HINT1: variants seen among roughly 807,000 people sequenced by gnomAD.
HINT1 encodes the protein adenosine 5'-monophosphoramidase HINT1.
In HINT1, 12 loss-of-function variants were observed where a neutral mutation model predicts 11.2. That is an observed-to-expected ratio of 1.07 (90% CI 0.69 to 1.74). The LOEUF is 1.74. Among genes scored for constraint, HINT1 ranks in the 40% most tolerant of loss-of-function variants. The pLI, the probability that HINT1 is intolerant of heterozygous loss-of-function variation, is 0.00. For missense variants in HINT1, 150 were observed against 161.8 expected, an observed-to-expected ratio of 0.93 and a Z score of 0.40; for synonymous variants, 42 against 52.6, an observed-to-expected ratio of 0.80 and a Z score of 0.87.
In HINT1 at chr5:131,165,223, G is replaced by C. The variant is rs199984533; in HGVS notation, c.-18C>G. 5.6e-5 allele frequency: 90 copies of C among 1,601,554 alleles called. No homozygotes were observed. The highest frequency in any genetic ancestry group is 2.5e-4 in the Admixed American group (15 of 59,976). On this transcript the variant is annotated 5_prime_UTR_variant, in exon 1 of 3. Coordinates refer to ENST00000304043, the MANE Select transcript of HINT1 (RefSeq NM_005340.7). ...TCTGCCATCTCGGCCTCTCTCCCGC[G>C]CGGCGGCCAGAGGAGAGGCTCGGAA...
rs746883301 is a variant in HINT1 at position 131,165,245 on chromosome 5, G to C, written c.-40C>G. 3.8e-6 allele frequency: 6 copies of C among 1,590,870 alleles called. No homozygotes were observed. Among genetic ancestry groups the C allele is most frequent in the Admixed American group, 1.7e-5 (1 of 59,428 alleles). ...CGCGCGGCGGCCAGAGGAGAGGCTC[G>C]GAAGAAGGGAGGAACCCGCAGAGCG... On this transcript the variant is annotated 5_prime_UTR_variant, in exon 1 of 3. Transcript: ENST00000304043.
chr5:131,163,483 T>A (rs868504234), intron 1 of HINT1, among the ~76,000 whole-genome samples: 4 of 151,960 alleles, frequency 2.6e-5, no homozygotes, highest in South Asian at 2.1e-4. Context: ...TCCCAGCACA[T>A]ACATGATTTC....
intron 1 of HINT1, 95 bp from the exon 2 acceptor site, chr5:131,162,771 T>A (rs370010649): frequency 1.4e-6 from 1 of 732,652 alleles, no homozygotes. Context: ...AGTAACTACA[T>A]GGAGGGCACT....
chr5:131,160,557 C>T, intron 2 of HINT1: 1 of 280,408 alleles, frequency 3.6e-6, no homozygotes, highest in Non-Finnish European at 5.5e-6. Context: ...GGAAAGGGAA[C>T]TCCTTTAATT....
chr5:131,162,555 G>GT lies in HINT1; in HGVS notation c.216+16dup, dbSNP rs1755282525. On this transcript the variant is annotated intron_variant, in intron 2 of 2. Coordinates refer to ENST00000304043, the MANE Select transcript of HINT1 (RefSeq NM_005340.7). ...TTTAAAAAGCAAGAAAATAAATCAT[G>GT]TTAGAAATGTACTTACACTTTCATC... 6.2e-7 allele frequency: 1 copy of GT among 1,603,884 alleles called. No individual in the cohort carries two copies. Among genetic ancestry groups the GT allele is most frequent in the Non-Finnish European group, 8.5e-7 (1 of 1,170,988 alleles).
Position 131,159,350 on chromosome 5 carries a change from T to G in HINT1, c.*97A>C, listed in dbSNP as rs1485545025. 5 of 1,049,154 alleles carry G rather than the reference T, an allele frequency of 4.8e-6. No homozygotes were observed. Among genetic ancestry groups the G allele is most frequent in the Non-Finnish European group, 7.0e-6 (5 of 711,858 alleles). 65.0% of individuals were successfully genotyped at this position (1,049,154 alleles called of 1,614,324 possible). A position where few individuals can be genotyped will look rare whatever the true frequency, so the allele number is the denominator to read the frequency against. ...GTTTTAAAATTATTTCTTGAATCTC[T>G]CCATACACAGGCAAAAATAAGTGTG... is the stretch of plus-strand genomic sequence containing the variant. On this transcript the variant is annotated 3_prime_UTR_variant, in exon 3 of 3. Coordinates refer to ENST00000304043, the MANE Select transcript of HINT1 (RefSeq NM_005340.7).
intron 2 of HINT1, among the ~76,000 whole-genome samples, chr5:131,159,939 C>T (rs1399344578): frequency 3.9e-5 from 6 of 152,080 alleles, no homozygotes; most frequent in Admixed American, 2.6e-4. Flanking sequence ...GCAGCCTCGA[C>T]CTCCCAGGTT....
At chr5:131,163,853 T>C (rs952130907) in intron 1 of HINT1, among the ~76,000 whole-genome samples, 4 of 152,332 alleles carry the variant, frequency 2.6e-5, no homozygotes, top group East Asian at 1.9e-4. Flanking sequence ...TCCACACTTA[T>C]TTGTCTCAGG....
chr5:131,160,605 A>G lies in HINT1; in HGVS notation c.217-994T>C, dbSNP rs185894916. 31 of 572,822 alleles carry G rather than the reference A, an allele frequency of 5.4e-5. 1 individual carries two copies. Among genetic ancestry groups the G allele is most frequent in the African/African-American group, 6.1e-5 (3 of 49,428 alleles). 35.5% of individuals were successfully genotyped at this position (572,822 alleles called of 1,614,324 possible). On this transcript the variant is annotated intron_variant, in intron 2 of 2. Transcript: ENST00000304043. The stretch of plus-strand genomic sequence containing the variant: ...AAAGAGGGAAGGGAGAGAGTCTTAC[A>G]TTTCTATTCCCATTACCTTATTAAG...
At position 131,164,755 on chromosome 5, in the gene HINT1, G is replaced by C. The variant is rs2278058; in HGVS notation, c.111+340C>G. The stretch of plus-strand genomic sequence containing the variant: ...GCGAGATTTCGAGATTCCTGATACA[G>C]GCAAGGTCCGAGGCAGCCGGGGAAC... On this transcript the variant is annotated intron_variant, in intron 1 of 2. Coordinates refer to ENST00000304043, the MANE Select transcript of HINT1 (RefSeq NM_005340.7). Among the ~76,000 whole-genome samples, 25,688 of 152,156 alleles carry C rather than the reference G, an allele frequency of 0.17. 2,621 individuals are homozygous for C. Among genetic ancestry groups the C allele is most frequent in the South Asian group, 0.23 (1,094 of 4,830 alleles).
intron 2 of HINT1, among the ~76,000 whole-genome samples, chr5:131,160,000 T>G (rs1206928468): frequency 1.3e-5 from 2 of 152,038 alleles, no homozygotes; most frequent in African/African-American, 4.8e-5. Flanking sequence ...TACAAGCACA[T>G]GCCACCACAC....
At chr5:131,160,658 T>TA in intron 2 of HINT1, 6 of 1,175,096 alleles carry the variant, frequency 5.1e-6, no homozygotes, top group Non-Finnish European at 6.5e-6. Context: ...CTGCTTACCT[T>TA]ACTCATGCAG....
At chr5:131,162,361 C>T (rs1381309485) in intron 2 of HINT1, 7 of 921,502 alleles carry the variant, frequency 7.6e-6, no homozygotes, top group South Asian at 2.8e-5. Flanking sequence ...GATAAGGATA[C>T]GGAGAAGCTG....
At chr5:131,163,397 C>G (rs13340335) in intron 1 of HINT1, among the ~76,000 whole-genome samples, 1,642 of 152,264 alleles carry the variant, frequency 0.011, 33 homozygotes, top group African/African-American at 0.037. Flanking sequence ...GCCCTCAGAG[C>G]TTTTTCAATG....
Position 131,165,168 on chromosome 5 carries a change from G to C in HINT1, c.38C>G (p.Pro13Arg). The C allele has an allele frequency of 1.2e-6, 2 of 1,611,092 alleles. No individual in the cohort carries two copies. The highest frequency in any genetic ancestry group is 1.3e-5 in the African/African-American group (1 of 75,056). Residue 13 changes from proline (P) to arginine (R), a missense_variant, in exon 1 of 3, where the codon CCT becomes CGT. Transcript: ENST00000304043. ...CTTCCCAAAGATCGTGTCGCCACCA[G>C]GCCGAGCGACCTGAGCCTTGGCAAT... is the stretch of plus-strand genomic sequence containing the variant. ...DEIAKAQVAR[P>R]GGDTIFGKII...
chr5:131,162,249 G>C, intron 2 of HINT1: 1 of 599,852 alleles, frequency 1.7e-6, no homozygotes, highest in Non-Finnish European at 2.9e-6. Context: ...TGTGAACCAG[G>C]GAGGTGGAGC....
chr5:131,159,562 C>A lies in HINT1; in HGVS notation c.266G>T (p.Gly89Val), dbSNP rs397514490. 6.2e-7 allele frequency: 1 copy of A among 1,613,542 alleles called. No homozygotes were observed. ...CACCATTCGATAACCCTTATTCAGG[C>A]CCAGATCAGCAGCACATTTCTTGCC... Reference protein sequence around the residue: ...IVGKKCAADLGLNKGYRMVVN... With the variant: ...IVGKKCAADLVLNKGYRMVVN... Residue 89 changes from glycine (G) to valine (V), a missense_variant, in exon 3 of 3, where the codon GGC (glycine) becomes GTC (valine). Gly to Val is a moderately radical substitution (Grantham distance 109). Transcript: ENST00000304043.
chr5:131,164,665 G>T (rs1755345864), intron 1 of HINT1, among the ~76,000 whole-genome samples: 1 of 152,178 alleles, frequency 6.6e-6, no homozygotes, highest in African/African-American at 2.4e-5. Flanking sequence ...CTGTGCGCGG[G>T]AGATCGCGGA....
intron 2 of HINT1, among the ~76,000 whole-genome samples, chr5:131,160,181 G>T (rs575921460): frequency 6.8e-6 from 1 of 145,986 alleles, no homozygotes; most frequent in Admixed American, 6.6e-5. Context: ...TATTCCAAGT[G>T]CTGTTTTAAG....
Sources: allele counts gnomAD v4.1 joint callset (sites outside exome capture counted in the v4.1 genomes callset), GRCh38; gene constraint gnomAD v4.1.1; transcripts MANE v1.5; gene names NCBI Gene and HGNC (gene_info 2026-07-23, HGNC 2026-07-21).